The following ABTB3 variants were observed in gnomAD, a reference collection of about 807,000 sequenced individuals.
The protein encoded by ABTB3 is ankyrin repeat and BTB domain containing 3.
the ABTB3 span, among the ~76,000 whole-genome samples, chr12:107,485,373 G>A: frequency 6.6e-6 from 1 of 152,176 alleles, no homozygotes; most frequent in Non-Finnish European, 1.5e-5. Context: ...CCTTGTTCCT[G>A]CTGTGTCCTA....
At chr12:107,392,852 C>T in the ABTB3 span, among the ~76,000 whole-genome samples, 2 of 152,178 alleles carry the variant, frequency 1.3e-5, no homozygotes, top group East Asian at 3.9e-4. Context: ...TAATCTTTTT[C>T]TGGCGATTTT....
the ABTB3 span, among the ~76,000 whole-genome samples, chr12:107,606,938 C>G: frequency 6.6e-6 from 1 of 152,212 alleles, no homozygotes; most frequent in Admixed American, 6.5e-5. Flanking sequence ...TCTGGCCCGC[C>G]TCCCTCTGTC....
chr12:107,571,809 C>T, the ABTB3 span, among the ~76,000 whole-genome samples: 5 of 152,204 alleles, frequency 3.3e-5, no homozygotes, highest in Non-Finnish European at 5.9e-5. Flanking sequence ...CAGCAGCTAG[C>T]GGAGAGAGGC....
At chr12:107,372,692 T>C in the ABTB3 span, among the ~76,000 whole-genome samples, 6 of 152,200 alleles carry the variant, frequency 3.9e-5, no homozygotes, top group South Asian at 2.1e-4. Flanking sequence ...AGCCACTGCT[T>C]CACCCCCTTG....
chr12:107,561,685 T>C, the ABTB3 span, among the ~76,000 whole-genome samples: 2 of 152,144 alleles, frequency 1.3e-5, no homozygotes, highest in South Asian at 4.1e-4. Flanking sequence ...AGGGAGTTAA[T>C]AAATCGGGAA....
At chr12:107,326,372 C>T in the ABTB3 span, among the ~76,000 whole-genome samples, 1 of 152,178 alleles carries the variant, frequency 6.6e-6, no homozygotes, top group African/African-American at 2.4e-5. Flanking sequence ...TTTTTATCTT[C>T]TACGTGTGGC....
chr12:107,380,605 C>A, the ABTB3 span, among the ~76,000 whole-genome samples: 74 of 152,258 alleles, frequency 4.9e-4, no homozygotes, highest in Admixed American at 3.9e-4. Context: ...ATCTACTGAA[C>A]CCCATGCCGA....
At chr12:107,564,246 C>T in the ABTB3 span, among the ~76,000 whole-genome samples, 2,608 of 152,040 alleles carry the variant, frequency 0.017, 74 homozygotes, top group African/African-American at 0.058. Context: ...TTCCAACATC[C>T]TTCCCAAAGG....
At chr12:107,475,340 A>G in the ABTB3 span, among the ~76,000 whole-genome samples, 27 of 152,322 alleles carry the variant, frequency 1.8e-4, no homozygotes, top group Non-Finnish European at 3.4e-4. Flanking sequence ...TCAAGTTCTC[A>G]TGATTACCAA....
At chr12:107,347,537 T>C in the ABTB3 span, among the ~76,000 whole-genome samples, 1 of 152,136 alleles carries the variant, frequency 6.6e-6, no homozygotes, top group Non-Finnish European at 1.5e-5. Flanking sequence ...CCCCCCTCTT[T>C]CTACATTGCG....
chr12:107,503,768 A>AAAAAAAAAAAAG, the ABTB3 span, among the ~76,000 whole-genome samples: 4 of 150,864 alleles, frequency 2.7e-5, no homozygotes, highest in Non-Finnish European at 5.9e-5. Context: ...AAAAAAAAAA[A>AAAAAAAAAAAAG]AAAAAAGAAG....
At chr12:107,371,265 G>A in the ABTB3 span, among the ~76,000 whole-genome samples, 2 of 152,158 alleles carry the variant, frequency 1.3e-5, no homozygotes, top group African/African-American at 4.8e-5. Flanking sequence ...TGACGGATTG[G>A]AGAGAAAGGA....
At chr12:107,647,762 TTCA>T in the ABTB3 span, among the ~76,000 whole-genome samples, 5 of 152,208 alleles carry the variant, frequency 3.3e-5, 1 homozygote, top group African/African-American at 1.2e-4. Context: ...TCATTTAGTC[TTCA>T]TCACAATTCC....
At chr12:107,429,608 G>A in the ABTB3 span, among the ~76,000 whole-genome samples, 3 of 152,218 alleles carry the variant, frequency 2.0e-5, no homozygotes, top group Non-Finnish European at 4.4e-5. Context: ...AAGTCTACTA[G>A]CTGCCAGTGG....
chr12:107,577,171 A>C, the ABTB3 span, among the ~76,000 whole-genome samples: 3 of 152,226 alleles, frequency 2.0e-5, no homozygotes, highest in Non-Finnish European at 4.4e-5. Flanking sequence ...TAGTAGCAAC[A>C]GAGACTGACC....
chr12:107,385,641 C>T, the ABTB3 span, among the ~76,000 whole-genome samples: 2 of 152,262 alleles, frequency 1.3e-5, no homozygotes, highest in South Asian at 2.1e-4. Context: ...CTGAGATGTT[C>T]CTTGGAAAAG....
chr12:107,515,349 C>A, the ABTB3 span, among the ~76,000 whole-genome samples: 3 of 152,212 alleles, frequency 2.0e-5, no homozygotes, highest in Non-Finnish European at 4.4e-5. Context: ...AATTAGACAA[C>A]CTTCTCCCCA....
the ABTB3 span, among the ~76,000 whole-genome samples, chr12:107,356,582 C>T: frequency 3.3e-5 from 5 of 152,190 alleles, 1 homozygote; most frequent in Middle Eastern, 6.3e-3. Context: ...CAGCCCTTCC[C>T]ATCACTTTGA....
the ABTB3 span, among the ~76,000 whole-genome samples, chr12:107,608,893 T>TAAAATAAATAAAATA: frequency 1.2e-5 from 1 of 84,324 alleles, no homozygotes; most frequent in Admixed American, 1.2e-4. Flanking sequence ...TAAAATAAAA[T>TAAAATAAATAAAATA]AAATAAAATA....
Sources: allele counts gnomAD v4.1 joint callset (sites outside exome capture counted in the v4.1 genomes callset), GRCh38; gene constraint gnomAD v4.1.1; transcripts MANE v1.5; gene names NCBI Gene and HGNC (gene_info 2026-07-23, HGNC 2026-07-21).